The following IL31RA variants were observed in gnomAD, a reference collection of about 807,000 sequenced individuals.
IL31RA encodes the protein interleukin-31 receptor subunit alpha.
Under a neutral mutation model 83.7 loss-of-function variants are expected in IL31RA, and 66 were observed. The observed-to-expected ratio is 0.79, with a 90% CI of 0.65 to 0.97. The LOEUF (loss-of-function observed/expected upper bound fraction) is 0.97. Among genes scored for constraint, IL31RA ranks in the 50% least tolerant of loss-of-function variants. The pLI is 0.00. For synonymous variants in IL31RA, 325 were observed against 329.0 expected, an observed-to-expected ratio of 0.99 and a Z score of 0.13; for missense variants, 798 against 919.4, an observed-to-expected ratio of 0.87 and a Z score of 1.71.
At chr5:55,856,708 A>C (rs900537607) in intron 1 of IL31RA, among the ~76,000 whole-genome samples, 10 of 152,178 alleles carry the variant, frequency 6.6e-5, no homozygotes, top group African/African-American at 2.2e-4. Flanking sequence ...CATCAGGTTC[A>C]TGGTGAGGTC....
Position 55,920,031 on chromosome 5 carries a change from A to C in IL31RA, c.*2911A>C, listed in dbSNP as rs1281963870. 1.3e-5 allele frequency among the ~76,000 whole-genome samples: 2 copies of C among 152,226 alleles called. No homozygotes were observed. Among genetic ancestry groups the C allele is most frequent in the Non-Finnish European group, 1.5e-5 (1 of 68,030 alleles). On this transcript the variant is annotated 3_prime_UTR_variant, in exon 15 of 15. Coordinates refer to ENST00000652347, the MANE Select transcript of IL31RA (RefSeq NM_139017.7). ...CAGCTAGGTTAGTGGCCTTTCTTTA[A>C]CAGTAAGAGCAGAAAATTTTTAAAG... is the stretch of plus-strand genomic sequence containing the variant.
At chr5:55,915,530 G>A (rs760003991) in intron 14 of IL31RA, among the ~76,000 whole-genome samples, 18 of 152,152 alleles carry the variant, frequency 1.2e-4, no homozygotes, top group East Asian at 3.8e-4. Flanking sequence ...TCTTGCTTAC[G>A]TAGAAACAAG....
intron 2 of IL31RA, among the ~76,000 whole-genome samples, chr5:55,868,497 T>A (rs1222168041): frequency 6.6e-6 from 1 of 152,232 alleles, no homozygotes; most frequent in Non-Finnish European, 1.5e-5. Context: ...TCACAAATAC[T>A]TTGTATGTAT....
upstream of IL31RA, among the ~76,000 whole-genome samples, chr5:55,847,269 AAATAAATAAATAAATAAAAAG>A (rs1561530280): frequency 2.8e-3 from 411 of 148,626 alleles, no homozygotes; most frequent in African/African-American, 9.8e-3. Flanking sequence ...ATAAATAAAT[AAATAAATAAATAAATAAAAAG>A]AAAAGAAAAG....
chr5:55,856,637 G>C (rs1745380414), intron 1 of IL31RA, among the ~76,000 whole-genome samples: 1 of 152,210 alleles, frequency 6.6e-6, no homozygotes, highest in South Asian at 2.1e-4. Flanking sequence ...TTAGTAATCA[G>C]AGAGGGCATC....
chr5:55,871,212 G>A (rs984945045), intron 3 of IL31RA, among the ~76,000 whole-genome samples: 1 of 152,238 alleles, frequency 6.6e-6, no homozygotes, highest in South Asian at 2.1e-4. Flanking sequence ...TCTAGAACCT[G>A]TGCTTATAAC....
chr5:55,847,235 A>T (rs920960592), upstream of IL31RA, among the ~76,000 whole-genome samples: 53 of 41,490 alleles, frequency 1.3e-3, 1 homozygote, highest in Non-Finnish European at 2.3e-3. Context: ...AGAAAAAAAA[A>T]AAAAAATAAA....
chr5:55,920,391 A>G lies in IL31RA; in HGVS notation c.*3271A>G, dbSNP rs887473694. ...CCCTGTTTTTGTAGGTTCATGAACT[A>G]AAAGCTATAATGACCTATTTAATGG... On this transcript the variant is annotated 3_prime_UTR_variant, in exon 15 of 15. Coordinates refer to ENST00000652347, the MANE Select transcript of IL31RA (RefSeq NM_139017.7). 1.1e-4 allele frequency among the ~76,000 whole-genome samples: 16 copies of G among 152,278 alleles called. No homozygotes were observed. The highest frequency in any genetic ancestry group is 3.9e-4 in the African/African-American group (16 of 41,474).
Position 55,851,486 on chromosome 5 carries a change from A to C in IL31RA, c.-85A>C. 1 of 1,613,422 alleles carries C rather than the reference A, an allele frequency of 6.2e-7. No homozygotes were observed. The highest frequency in any genetic ancestry group is 8.5e-7 in the Non-Finnish European group (1 of 1,179,546). On this transcript the variant is annotated 5_prime_UTR_variant, in exon 1 of 15. Coordinates refer to ENST00000652347, the MANE Select transcript of IL31RA (RefSeq NM_139017.7). Reference sequence around the variant, plus strand: ...AAATAGTAATAACCAGCATGGCACTAAATAGACCATGAAAAGACATGTGTG... The same window carrying C: ...AAATAGTAATAACCAGCATGGCACTCAATAGACCATGAAAAGACATGTGTG...
At chr5:55,861,306 G>A (rs897719340) in intron 2 of IL31RA, among the ~76,000 whole-genome samples, 3 of 152,110 alleles carry the variant, frequency 2.0e-5, no homozygotes, top group African/African-American at 7.2e-5. Flanking sequence ...CCAACCCCCA[G>A]GCTGCAGACC....
In IL31RA at chr5:55,921,393, T is replaced by C. The variant is rs1580757525; in HGVS notation, c.*4273T>C. 2.6e-5 allele frequency among the ~76,000 whole-genome samples: 4 copies of C among 152,256 alleles called. No individual in the cohort carries two copies. The South Asian group carries it at 8.3e-4, about 31-fold the overall frequency. ...AACCCCATGGCGGGCCTGCATGGTG[T>C]GGTTTGCTAAGGCATCCCTTGGTTG... On this transcript the variant is annotated 3_prime_UTR_variant, in exon 15 of 15. Coordinates refer to ENST00000652347, the MANE Select transcript of IL31RA (RefSeq NM_139017.7).
Position 55,852,776 on chromosome 5 carries a change from CTG to C in IL31RA, c.63+1144_63+1145del, listed in dbSNP as rs750086631. The stretch of plus-strand genomic sequence containing the variant: ...ATTTGAACCTTTGATTGCTAGGAAA[CTG>C]AGAGTCAGGCTGCCTTGGTTCAAGT... On this transcript the variant is annotated intron_variant, in intron 1 of 14. Coordinates refer to ENST00000652347, the MANE Select transcript of IL31RA (RefSeq NM_139017.7). 4.6e-5 allele frequency among the ~76,000 whole-genome samples: 7 copies of C among 152,286 alleles called. No individual in the cohort carries two copies. The East Asian group carries it at 7.7e-4, about 17-fold the overall frequency.
chr5:55,864,495 T>G (rs10056313), intron 2 of IL31RA, among the ~76,000 whole-genome samples: 1 of 149,338 alleles, frequency 6.7e-6, no homozygotes, highest in African/African-American at 2.5e-5. Flanking sequence ...CACATCATAA[T>G]CATACTACAC....
At chr5:55,847,237 AAAAAT>A (rs375041158), upstream of IL31RA, among the ~76,000 whole-genome samples, 160 of 30,134 alleles carry the variant, frequency 5.3e-3, 4 homozygotes, top group African/African-American at 0.011. Context: ...AAAAAAAAAA[AAAAAT>A]AAAAATAAAT....
intron 2 of IL31RA, among the ~76,000 whole-genome samples, chr5:55,864,358 A>AC (rs1238641437): frequency 7.0e-6 from 1 of 141,854 alleles, no homozygotes; most frequent in East Asian, 2.2e-4. Context: ...CACACACACC[A>AC]CACACACTAC....
chr5:55,853,590 G>A (rs1745186745), intron 1 of IL31RA: 6 of 1,548,648 alleles, frequency 3.9e-6, no homozygotes, highest in Non-Finnish European at 5.2e-6. Context: ...TCATTTAGAA[G>A]AGTGATAGTT....
At chr5:55,853,621 A>T (rs752063465) in intron 1 of IL31RA, 144 of 1,534,410 alleles carry the variant, frequency 9.4e-5, no homozygotes, top group Non-Finnish European at 1.2e-4. Flanking sequence ...TTTCTACTTT[A>T]TAAAAGTCTT....
At chr5:55,908,197 C>T in intron 10 of IL31RA, 68 bp from the exon 11 acceptor site, 2 of 1,607,722 alleles carry the variant, frequency 1.2e-6, no homozygotes, top group South Asian at 2.2e-5. Flanking sequence ...CTGGCCAGGG[C>T]CTTTGTGGGG....
intron 14 of IL31RA, 129 bp downstream of exon 14, chr5:55,915,057 C>A: frequency 1.3e-6 from 1 of 755,538 alleles, no homozygotes; most frequent in Non-Finnish European, 2.3e-6. Flanking sequence ...GTTGAAAAGT[C>A]TCAGGGAATG....
Sources: gnomAD v4.1 joint callset for allele counts (sites outside exome capture counted in the v4.1 genomes callset) on GRCh38, gnomAD v4.1.1 for gene constraint, MANE v1.5 for transcripts, NCBI Gene and HGNC (gene_info 2026-07-23, HGNC 2026-07-21) for gene names.